PIAS2: variants seen among roughly 807,000 people sequenced by gnomAD.
The protein encoded by PIAS2 is protein inhibitor of activated STAT 2, also known as E3 SUMO-protein ligase PIAS2.
Under a neutral mutation model 69.7 loss-of-function variants are expected in PIAS2, and 19 were observed. The ratio of observed to expected loss-of-function variants is 0.27; its 90% CI spans 0.19 to 0.40. The LOEUF is 0.40. PIAS2 is among the 10% of genes least tolerant of loss of function. The pLI is 1.00. For missense variants in PIAS2, 624 were observed against 757.0 expected, an observed-to-expected ratio of 0.82 and a Z score of 2.06; for synonymous variants, 261 against 263.2, an observed-to-expected ratio of 0.99 and a Z score of 0.08.
At chr18:46,904,568 TG>T (rs1256197326) in intron 1 of PIAS2, among the ~76,000 whole-genome samples, 2 of 152,042 alleles carry the variant, frequency 1.3e-5, no homozygotes, top group Non-Finnish European at 2.9e-5. Context: ...CTGGCCAACA[TG>T]GTGAAACACC....
chr18:46,811,075 T>G lies in PIAS2; in HGVS notation c.*1358A>C, dbSNP rs2040968857. 1 of 152,058 alleles carries G rather than the reference T, an allele frequency of 6.6e-6. No individual in the cohort carries two copies. The highest frequency in any genetic ancestry group is 2.1e-4 in the South Asian group (1 of 4,828). 9.4% of individuals were successfully genotyped at this position (152,058 alleles called of 1,614,324 possible). On this transcript the variant is annotated 3_prime_UTR_variant, in exon 14 of 14. Coordinates refer to ENST00000585916, the MANE Select transcript of PIAS2 (RefSeq NM_004671.5). ...GTGATTTAAAATCAAACAAACACAC[T>G]ATAGAAGAGAAATTTTCAAAGTGCA... is the stretch of plus-strand genomic sequence containing the variant.
chr18:46,876,973 T>A (rs979267937), intron 2 of PIAS2, among the ~76,000 whole-genome samples: 1 of 152,204 alleles, frequency 6.6e-6, no homozygotes, highest in African/African-American at 2.4e-5. Context: ...GTACTGGGAT[T>A]ACAGGCGTGA....
chr18:46,843,411 G>T (rs1452107482), intron 8 of PIAS2, among the ~76,000 whole-genome samples: 1 of 152,140 alleles, frequency 6.6e-6, no homozygotes, highest in Non-Finnish European at 1.5e-5. Context: ...CACTGCTCCT[G>T]ACCCTCCCAT....
chr18:46,842,538 G>C (rs1017861472), intron 8 of PIAS2, among the ~76,000 whole-genome samples: 1 of 152,152 alleles, frequency 6.6e-6, no homozygotes, highest in Non-Finnish European at 1.5e-5. Context: ...GTGGAATAGA[G>C]CTGGCAATTA....
At chr18:46,827,668 A>G (rs1330530433) in intron 11 of PIAS2, 1 of 255,154 alleles carries the variant, frequency 3.9e-6, no homozygotes, top group Admixed American at 4.8e-5. Flanking sequence ...AGACTTTCTC[A>G]TCTGGTCTGA....
intron 8 of PIAS2, 56 bp from the exon 9 acceptor site, chr18:46,836,573 G>A: frequency 1.5e-6 from 2 of 1,343,068 alleles, no homozygotes; most frequent in Non-Finnish European, 2.1e-6. Context: ...GAGCTCAGAG[G>A]GAACATGGTC....
At position 46,818,616 on chromosome 18, in the gene PIAS2, T is replaced by C. The variant is rs537000628; in HGVS notation, c.1648+2317A>G. On this transcript the variant is annotated intron_variant, in intron 12 of 13. Transcript: ENST00000585916. ...AGTATGACTAACTACATAAAAATTATGCATAAAAATAAAACCAAATTACTA... is the reference window on the plus strand; with the variant it reads ...AGTATGACTAACTACATAAAAATTACGCATAAAAATAAAACCAAATTACTA... Among the ~76,000 whole-genome samples, 20 of 152,116 alleles carry C rather than the reference T, an allele frequency of 1.3e-4. 1 individual carries two copies. The highest frequency in any genetic ancestry group is 7.2e-4 in the Admixed American group (11 of 15,262).
chr18:46,840,965 G>T (rs1488197338), intron 8 of PIAS2, among the ~76,000 whole-genome samples: 1 of 151,186 alleles, frequency 6.6e-6, no homozygotes, highest in Non-Finnish European at 1.5e-5. Flanking sequence ...ACTCTTTTCA[G>T]CAGGACTTTT....
chr18:46,820,272 T>C (rs1250309385), intron 12 of PIAS2, among the ~76,000 whole-genome samples: 3 of 152,154 alleles, frequency 2.0e-5, no homozygotes, highest in African/African-American at 7.2e-5. Context: ...AATTGTTCTA[T>C]TTTATTATTA....
chr18:46,886,807 C>T lies in PIAS2; in HGVS notation c.499+3773G>A, dbSNP rs185151091. On this transcript the variant is annotated intron_variant, in intron 2 of 13. Coordinates refer to ENST00000585916, the MANE Select transcript of PIAS2 (RefSeq NM_004671.5). Reference sequence around the variant, plus strand: ...GAGCCGAGACAGCGCCACCGCCCTCCATCCTGGGCGACAGAACAAGACTCT... The same window carrying T: ...GAGCCGAGACAGCGCCACCGCCCTCTATCCTGGGCGACAGAACAAGACTCT... Among the ~76,000 whole-genome samples the T allele has an allele frequency of 3.4e-3, 518 of 152,102 alleles. 1 individual carries two copies. Among genetic ancestry groups the T allele is most frequent in the Middle Eastern group, 0.01 (3 of 294 alleles).
At chr18:46,918,635 T>C (rs2058285476), upstream of PIAS2, among the ~76,000 whole-genome samples, 1 of 152,158 alleles carries the variant, frequency 6.6e-6, no homozygotes, top group Non-Finnish European at 1.5e-5. Flanking sequence ...TTGGTCAGGC[T>C]GGTCTCCAAC....
intron 12 of PIAS2, chr18:46,816,499 C>CA (rs1368405902): frequency 1.1e-6 from 1 of 937,220 alleles, no homozygotes; most frequent in African/African-American, 1.8e-5. Context: ...TTTTGGGAGA[C>CA]ACTGAGTCTG....
At chr18:46,851,303 T>A (rs928046331) in intron 5 of PIAS2, among the ~76,000 whole-genome samples, 1 of 152,246 alleles carries the variant, frequency 6.6e-6, no homozygotes, top group Non-Finnish European at 1.5e-5. Context: ...TCTCTACTCT[T>A]TGGGATCTTT....
rs546744656 is a variant in PIAS2, at chr18:46,804,251, G to C, written c.*8182C>G. ...GTAGGGGAAACACACAATATGCAGG[G>C]ATTATTTTATGTATTAAGAGTATAT... On this transcript the variant is annotated 3_prime_UTR_variant, in exon 14 of 14. Transcript: ENST00000585916. 1 of 152,110 alleles carries C rather than the reference G, an allele frequency of 6.6e-6. No individual in the cohort carries two copies. The highest frequency in any genetic ancestry group is 1.5e-5 in the Non-Finnish European group (1 of 68,026). 9.4% of individuals were successfully genotyped at this position (152,110 alleles called of 1,614,324 possible).
At chr18:46,841,752 CAG>C (rs1218957526) in intron 8 of PIAS2, among the ~76,000 whole-genome samples, 1 of 152,084 alleles carries the variant, frequency 6.6e-6, no homozygotes, top group East Asian at 1.9e-4. Context: ...CACTTCTGAG[CAG>C]AGAGAAAAAA....
chr18:46,814,022 G>A (rs992160828), intron 13 of PIAS2, among the ~76,000 whole-genome samples: 5 of 152,120 alleles, frequency 3.3e-5, no homozygotes, highest in South Asian at 2.1e-4. Flanking sequence ...CTGCCTCTCA[G>A]GTAGTTTTTG....
At chr18:46,882,687 C>T (rs2052472694) in intron 2 of PIAS2, among the ~76,000 whole-genome samples, 1 of 151,998 alleles carries the variant, frequency 6.6e-6, no homozygotes, top group South Asian at 2.1e-4. Flanking sequence ...AGATGTACAT[C>T]AAAAAAGTAC....
At chr18:46,899,941 G>A (rs1025245998) in intron 1 of PIAS2, among the ~76,000 whole-genome samples, 2 of 152,158 alleles carry the variant, frequency 1.3e-5, no homozygotes, top group African/African-American at 4.8e-5. Context: ...TGAAAATGCT[G>A]AGCAATGAAG....
chr18:46,885,670 C>A (rs955120696), intron 2 of PIAS2, among the ~76,000 whole-genome samples: 2 of 151,038 alleles, frequency 1.3e-5, no homozygotes, highest in Non-Finnish European at 2.9e-5. Context: ...GGTGACAGAG[C>A]GAGACTCCGT....
Sources: allele counts gnomAD v4.1 joint callset (sites outside exome capture counted in the v4.1 genomes callset), GRCh38; gene constraint gnomAD v4.1.1; transcripts MANE v1.5; gene names NCBI Gene and HGNC (gene_info 2026-07-23, HGNC 2026-07-21).